NTNG1: variants seen among roughly 807,000 people sequenced by gnomAD.
The protein encoded by NTNG1 is netrin-G1.
NTNG1 carries 16 observed loss-of-function variants against 54.0 expected under a neutral mutation model. That is an observed-to-expected ratio of 0.30 (90% CI 0.20 to 0.45). The LOEUF (loss-of-function observed/expected upper bound fraction) is 0.45, where lower values mean the gene tolerates loss of function less well. Among genes scored for constraint, NTNG1 ranks in the 20% least tolerant of loss-of-function variants. The pLI is 1.00. For synonymous variants in NTNG1, 255 were observed against 263.1 expected, an observed-to-expected ratio of 0.97 and a Z score of 0.30; for missense variants, 530 against 678.7, an observed-to-expected ratio of 0.78 and a Z score of 2.43.
chr1:107,230,147 T>C (rs1304228653), intron 2 of NTNG1, among the ~76,000 whole-genome samples: 3 of 152,166 alleles, frequency 2.0e-5, no homozygotes, highest in African/African-American at 2.4e-5. Context: ...TTCTTATAAT[T>C]TGCTGGATTA....
At chr1:107,408,748 T>C (rs1258675128) in intron 5 of NTNG1, 1 of 152,028 alleles carries the variant, frequency 6.6e-6, no homozygotes, top group Non-Finnish European at 1.5e-5. Context: ...GAGAGAATTT[T>C]CACTGTAGTG....
chr1:107,270,989 T>G (rs1259324462), intron 2 of NTNG1, among the ~76,000 whole-genome samples: 1 of 151,968 alleles, frequency 6.6e-6, no homozygotes, highest in Non-Finnish European at 1.5e-5. Flanking sequence ...ATGAAGAAAT[T>G]ATAAGCAACA....
intron 2 of NTNG1, among the ~76,000 whole-genome samples, chr1:107,285,134 T>A (rs17508691): frequency 0.04 from 6,118 of 152,208 alleles, 152 homozygotes; most frequent in Middle Eastern, 0.068. Flanking sequence ...TAAACTCAGA[T>A]ACAACTTTGC....
At chr1:107,214,075 G>A (rs1659780711) in intron 2 of NTNG1, among the ~76,000 whole-genome samples, 1 of 152,006 alleles carries the variant, frequency 6.6e-6, no homozygotes, top group Non-Finnish European at 1.5e-5. Flanking sequence ...TTTTAATGAA[G>A]TAAAATTTAT....
intron 3 of NTNG1, among the ~76,000 whole-genome samples, chr1:107,373,246 AT>A (rs953653190): frequency 3.3e-5 from 5 of 151,484 alleles, no homozygotes; most frequent in Non-Finnish European, 5.9e-5. Context: ...GTCATTTTTC[AT>A]TTTTTTAACT....
At chr1:107,199,341 T>TA (rs11369205) in intron 2 of NTNG1, among the ~76,000 whole-genome samples, 138,213 of 150,832 alleles carry the variant, frequency 0.92, 64,472 homozygotes, top group East Asian at 1. Context: ...ATTTAGGCCA[T>TA]AAAAAAAATG....
At chr1:107,180,344 CTAAAG>C (rs1213461399) in intron 2 of NTNG1, among the ~76,000 whole-genome samples, 2 of 151,894 alleles carry the variant, frequency 1.3e-5, no homozygotes, top group African/African-American at 2.4e-5. Context: ...ATGAAGGGCC[CTAAAG>C]TAAAGTCTTT....
chr1:107,475,636 A>G (rs1678268449), intron 7 of NTNG1, among the ~76,000 whole-genome samples: 1 of 152,226 alleles, frequency 6.6e-6, no homozygotes, highest in Non-Finnish European at 1.5e-5. Flanking sequence ...TTCCTGATCT[A>G]GAAATGACAA....
At chr1:107,395,523 C>T (rs1418823160) in intron 4 of NTNG1, 197 bp downstream of exon 4, 1 of 746,220 alleles carries the variant, frequency 1.3e-6, no homozygotes, top group East Asian at 2.5e-5. Flanking sequence ...ATTCAGTCAT[C>T]TAACATTCAC....
At chr1:107,432,787 T>A (rs1036801992) in intron 6 of NTNG1, among the ~76,000 whole-genome samples, 1 of 152,160 alleles carries the variant, frequency 6.6e-6, no homozygotes, top group Non-Finnish European at 1.5e-5. Context: ...AAAGGAAATA[T>A]TTTATTCCAT....
chr1:107,224,052 A>G (rs974866564), intron 2 of NTNG1, among the ~76,000 whole-genome samples: 2 of 152,174 alleles, frequency 1.3e-5, no homozygotes, highest in African/African-American at 4.8e-5. Flanking sequence ...TGATCCCCTA[A>G]TGGACCAGTT....
At chr1:107,233,893 T>C (rs1027232721) in intron 2 of NTNG1, among the ~76,000 whole-genome samples, 2 of 152,212 alleles carry the variant, frequency 1.3e-5, no homozygotes, top group Admixed American at 6.5e-5. Flanking sequence ...CATTGGCATC[T>C]ACTCTAAAGC....
chr1:107,317,743 A>G (rs80129362), intron 2 of NTNG1, among the ~76,000 whole-genome samples: 3,111 of 152,232 alleles, frequency 0.02, 81 homozygotes, highest in African/African-American at 0.062. Flanking sequence ...TTTATTCCTG[A>G]GTAAAAAAGT....
At chr1:107,174,902 A>G (rs935603713) in intron 2 of NTNG1, among the ~76,000 whole-genome samples, 1 of 152,138 alleles carries the variant, frequency 6.6e-6, no homozygotes, top group African/African-American at 2.4e-5. Flanking sequence ...GGTTGAATGA[A>G]TGAATGGATG....
intron 2 of NTNG1, among the ~76,000 whole-genome samples, chr1:107,257,000 G>A (rs1662978021): frequency 6.6e-6 from 1 of 152,100 alleles, no homozygotes; most frequent in African/African-American, 2.4e-5. Context: ...ACAATATGGA[G>A]ATTTTTCTTT....
chr1:107,333,553 A>G (rs1424661327), intron 3 of NTNG1, among the ~76,000 whole-genome samples: 1 of 152,032 alleles, frequency 6.6e-6, no homozygotes, highest in Non-Finnish European at 1.5e-5. Context: ...ATTAGTACCC[A>G]TAAACGACTA....
chr1:107,276,101 A>G (rs1300363746), intron 2 of NTNG1, among the ~76,000 whole-genome samples: 1 of 152,310 alleles, frequency 6.6e-6, no homozygotes, highest in African/African-American at 2.4e-5. Flanking sequence ...TCTTGAGTAT[A>G]TATATTTGAT....
chr1:107,224,099 C>A (rs1487082129), intron 2 of NTNG1, among the ~76,000 whole-genome samples: 1 of 152,132 alleles, frequency 6.6e-6, no homozygotes, highest in Non-Finnish European at 1.5e-5. Context: ...ATAACTTAAG[C>A]TAACATCAGA....
At chr1:107,456,240 A>G (rs993804466) in intron 7 of NTNG1, among the ~76,000 whole-genome samples, 15 of 152,206 alleles carry the variant, frequency 9.9e-5, no homozygotes, top group African/African-American at 3.6e-4. Context: ...TAATAAAGTG[A>G]TGCATAGGAA....
Sources: gnomAD v4.1 joint callset for allele counts (sites outside exome capture counted in the v4.1 genomes callset) on GRCh38, gnomAD v4.1.1 for gene constraint, MANE v1.5 for transcripts, NCBI Gene and HGNC (gene_info 2026-07-23, HGNC 2026-07-21) for gene names.